PEX14: variants seen among roughly 807,000 people sequenced by gnomAD.
PEX14 encodes the protein peroxisomal biogenesis factor 14, also known as peroxisomal membrane protein PEX14.
A neutral mutation model predicts 49.5 loss-of-function variants in PEX14; 15 were observed. The ratio of observed to expected loss-of-function variants is 0.30; its 90% CI spans 0.20 to 0.47. The LOEUF (loss-of-function observed/expected upper bound fraction) is 0.47, where lower values mean the gene tolerates loss of function less well. Among genes scored for constraint, PEX14 ranks in the 20% least tolerant of loss-of-function variants. The probability of loss-of-function intolerance (pLI) is 1.00; values close to 1 mark genes in which losing one functional copy is unlikely to be tolerated. For synonymous variants in PEX14, 210 were observed against 212.7 expected, an observed-to-expected ratio of 0.99 and a Z score of 0.11; for missense variants, 398 against 494.8, an observed-to-expected ratio of 0.80 and a Z score of 1.86.
chr1:10,592,257 A>T (rs191061781), intron 3 of PEX14, among the ~76,000 whole-genome samples: 35 of 152,276 alleles, frequency 2.3e-4, no homozygotes, highest in Non-Finnish European at 3.5e-4. Context: ...TACTCAGTAT[A>T]CTGTGGGAAG....
intron 3 of PEX14, among the ~76,000 whole-genome samples, chr1:10,569,439 G>A (rs1639907564): frequency 1.3e-5 from 2 of 152,234 alleles, no homozygotes; most frequent in South Asian, 4.2e-4. Context: ...GGAGCCCTCT[G>A]CCCGCCCTCC....
chr1:10,627,445 C>A, intron 8 of PEX14, 82 bp downstream of exon 8: 1 of 960,334 alleles, frequency 1.0e-6, no homozygotes, highest in Non-Finnish European at 1.7e-6. Flanking sequence ...AGGGGCATGA[C>A]GCCCACCCCC....
intron 2 of PEX14, among the ~76,000 whole-genome samples, chr1:10,513,636 G>A (rs753794215): frequency 1.3e-5 from 2 of 152,172 alleles, no homozygotes; most frequent in Non-Finnish European, 2.9e-5. Flanking sequence ...GGATCATTTA[G>A]TGCTCATGGC....
chr1:10,629,456 C>G lies in PEX14; in HGVS notation c.678-75C>G, dbSNP rs1641844777. Reference sequence around the variant, plus strand: ...TCACCATCGCCGAGCCCTTGCGGGTCAGGGAAGGCGTGGCCCTTCGAAGGG... The same window carrying G: ...TCACCATCGCCGAGCCCTTGCGGGTGAGGGAAGGCGTGGCCCTTCGAAGGG... On this transcript the variant is annotated intron_variant, in intron 8 of 8. Coordinates refer to ENST00000356607, the MANE Select transcript of PEX14 (RefSeq NM_004565.3). The surrounding 1 kb of genome is among the most constrained non-coding windows in gnomAD (Gnocchi z 8.5). 1 of 1,027,622 alleles carries G rather than the reference C, an allele frequency of 9.7e-7. No homozygotes were observed. Among genetic ancestry groups the G allele is most frequent in the African/African-American group, 1.6e-5 (1 of 63,970 alleles). 63.7% of individuals were successfully genotyped at this position (1,027,622 alleles called of 1,614,324 possible).
chr1:10,567,216 A>G (rs1337525494), intron 3 of PEX14, among the ~76,000 whole-genome samples: 1 of 152,236 alleles, frequency 6.6e-6, no homozygotes, highest in Non-Finnish European at 1.5e-5. Flanking sequence ...CCAAAAATAG[A>G]CAATGGGCTA....
intron 3 of PEX14, among the ~76,000 whole-genome samples, chr1:10,596,267 C>T (rs284268): frequency 0.11 from 16,122 of 152,226 alleles, 2,146 homozygotes; most frequent in African/African-American, 0.32. Flanking sequence ...CTCAAGGAAG[C>T]CTATGACAGG....
intron 3 of PEX14, among the ~76,000 whole-genome samples, chr1:10,563,106 C>T (rs1435591106): frequency 7.5e-6 from 1 of 133,868 alleles, no homozygotes; most frequent in Non-Finnish European, 1.6e-5. Context: ...TTGGTAGAGG[C>T]GGGGTTTCAC....
chr1:10,517,508 G>A (rs931035802), intron 2 of PEX14, among the ~76,000 whole-genome samples: 1 of 152,084 alleles, frequency 6.6e-6, no homozygotes, highest in Non-Finnish European at 1.5e-5. Context: ...ATTTTAAGAG[G>A]TTGTGCAGCT....
At position 10,530,583 on chromosome 1, in the gene PEX14, G is replaced by A. The variant is rs1266135959; in HGVS notation, c.85-5630G>A. Among the ~76,000 whole-genome samples the A allele has an allele frequency of 2.0e-5, 3 of 152,158 alleles. No homozygotes were observed. The East Asian group carries it at 5.8e-4, about 29-fold the overall frequency. The stretch of plus-strand genomic sequence containing the variant: ...CCCCTACTCCCACTAGTCTGGTTTC[G>A]GGGAGCCTGTTCCTCCTTGTCCTTG... On this transcript the variant is annotated intron_variant, in intron 2 of 8. Transcript: ENST00000356607.
intron 2 of PEX14, among the ~76,000 whole-genome samples, chr1:10,517,806 A>G (rs1302305511): frequency 6.6e-6 from 1 of 152,062 alleles, no homozygotes; most frequent in African/African-American, 2.4e-5. Flanking sequence ...TTTTTGAGGA[A>G]ACGGCACATC....
chr1:10,487,980 C>T (rs914259844), intron 1 of PEX14, among the ~76,000 whole-genome samples: 3 of 151,072 alleles, frequency 2.0e-5, no homozygotes, highest in African/African-American at 7.3e-5. Context: ...GGGGTTTCAC[C>T]ACCTTGGCCA....
At chr1:10,586,628 CTTTTTTTTTTTTTTTT>C (rs35743829) in intron 3 of PEX14, among the ~76,000 whole-genome samples, 6 of 93,048 alleles carry the variant, frequency 6.4e-5, no homozygotes, top group Non-Finnish European at 8.9e-5. Flanking sequence ...AGCCGTTTAC[CTTTTTTTTTTTTTTTT>C]TTTTTTTTTT....
At chr1:10,558,747 A>G (rs7545184) in intron 3 of PEX14, among the ~76,000 whole-genome samples, 23,355 of 142,424 alleles carry the variant, frequency 0.16, 2,108 homozygotes, top group South Asian at 0.3. Context: ...AAAAAAAAAA[A>G]AAAAAAAAAG....
chr1:10,501,505 G>C (rs1641677744), intron 2 of PEX14, among the ~76,000 whole-genome samples: 2 of 152,072 alleles, frequency 1.3e-5, no homozygotes, highest in Admixed American at 6.5e-5. Flanking sequence ...GTTTCACCGT[G>C]TTAGCCAGGA....
In PEX14 at chr1:10,573,434, A is replaced by C. The variant is rs569556867; in HGVS notation, c.170-25804A>C. Among the ~76,000 whole-genome samples, 3 of 152,352 alleles carry C rather than the reference A, an allele frequency of 2.0e-5. No individual in the cohort carries two copies. The East Asian group carries it at 5.8e-4, about 29-fold the overall frequency. ...CCGTCTCTCTTAAAAAAGGGTGTAC[A>C]AAAGACTCAAATATTTACTTTATTA... is the stretch of plus-strand genomic sequence containing the variant. On this transcript the variant is annotated intron_variant, in intron 3 of 8. Coordinates refer to ENST00000356607, the MANE Select transcript of PEX14 (RefSeq NM_004565.3).
At chr1:10,610,051 T>C (rs986601307) in intron 4 of PEX14, among the ~76,000 whole-genome samples, 7 of 148,394 alleles carry the variant, frequency 4.7e-5, no homozygotes, top group Non-Finnish European at 3.0e-5. Flanking sequence ...TTTATATAAA[T>C]ACATATAATT....
chr1:10,537,485 G>A (rs1467359539), intron 3 of PEX14, among the ~76,000 whole-genome samples: 2 of 151,976 alleles, frequency 1.3e-5, no homozygotes, highest in African/African-American at 4.8e-5. Flanking sequence ...AAAAGCTTAG[G>A]GATTTCAGCT....
chr1:10,570,848 G>GTTTTTTTTTTTT (rs70997255), intron 3 of PEX14, among the ~76,000 whole-genome samples: 2 of 113,912 alleles, frequency 1.8e-5, no homozygotes, highest in African/African-American at 3.3e-5. Context: ...TGTCAACAGG[G>GTTTTTTTTTTTT]TTTTTTTTTT....
chr1:10,599,674 A>G (rs975832846), intron 4 of PEX14, among the ~76,000 whole-genome samples: 9 of 152,246 alleles, frequency 5.9e-5, no homozygotes, highest in African/African-American at 9.6e-5. Context: ...TCCTCATACC[A>G]GTGCTTTTGA....
Sources: gnomAD v4.1 joint callset for allele counts (sites outside exome capture counted in the v4.1 genomes callset) on GRCh38, gnomAD v4.1.1 for gene constraint, Gnocchi (gnomAD v3.1) non-coding constraint, MANE v1.5 for transcripts, NCBI Gene and HGNC (gene_info 2026-07-23, HGNC 2026-07-21) for gene names.